C3orf70: variants seen among roughly 807,000 people sequenced by gnomAD.
C3orf70 encodes chromosome 3 open reading frame 70.
C3orf70 carries 15 observed loss-of-function variants against 20.7 expected under a neutral mutation model. The ratio of observed to expected loss-of-function variants is 0.72; its 90% CI spans 0.48 to 1.11. The LOEUF is 1.11. Among genes scored for constraint, C3orf70 ranks in the 50% most tolerant of loss-of-function variants. C3orf70 has a pLI of 0.00. For missense variants in C3orf70, 332 were observed against 317.6 expected, an observed-to-expected ratio of 1.05 and a Z score of -0.34; for synonymous variants, 161 against 125.7, an observed-to-expected ratio of 1.28 and a Z score of -1.88.
intron 1 of C3orf70, among the ~76,000 whole-genome samples, chr3:185,097,718 G>A (rs965882491): frequency 4.6e-5 from 7 of 152,184 alleles, no homozygotes; most frequent in African/African-American, 1.7e-4. Flanking sequence ...GAGACAGGGA[G>A]GAAGCACCCC....
rs1399550875 is a variant in C3orf70 at position 185,153,004 on chromosome 3, G to A, written c.-181C>T. The A allele has an allele frequency of 4.9e-5, 16 of 326,936 alleles. No individual in the cohort carries two copies. The East Asian group carries it at 8.6e-4, about 18-fold the overall frequency. The allele number at this position is 326,936 out of a possible 1,614,324, so 20.3% of individuals were successfully genotyped here. A position where few individuals can be genotyped will look rare whatever the true frequency, so the allele number is the denominator to read the frequency against. ...TCGAGGAGGAGCCGCCCCGGGCGCT[G>A]CGACCGGGTCCGGGCTGGCAGCCTC... On this transcript the variant is annotated 5_prime_UTR_variant, in exon 1 of 2. Transcript: ENST00000335012. This position sits in a 1 kb window ranked among gnomAD's most constrained non-coding sequence, Gnocchi z 6.8.
intron 1 of C3orf70, among the ~76,000 whole-genome samples, chr3:185,119,492 A>T (rs1716247684): frequency 6.6e-6 from 1 of 151,980 alleles, no homozygotes; most frequent in Admixed American, 6.6e-5. Context: ...CTCTACTAAA[A>T]ATACAGCCAT....
intron 1 of C3orf70, among the ~76,000 whole-genome samples, chr3:185,097,265 A>G (rs1259771393): frequency 6.6e-6 from 1 of 152,216 alleles, no homozygotes; most frequent in East Asian, 1.9e-4. Context: ...AAATGCTACT[A>G]ATTCTTTAGA....
At chr3:185,087,632 A>G (rs1405624467) in intron 1 of C3orf70, among the ~76,000 whole-genome samples, 2 of 152,216 alleles carry the variant, frequency 1.3e-5, no homozygotes, top group African/African-American at 4.8e-5. Context: ...ACCGAAAGCA[A>G]GAGTGGTGTT....
chr3:185,135,745 C>T (rs1490511658), intron 1 of C3orf70, among the ~76,000 whole-genome samples: 1 of 152,052 alleles, frequency 6.6e-6, no homozygotes, highest in Non-Finnish European at 1.5e-5. Flanking sequence ...AACAAAATAT[C>T]ACATGTATCC....
chr3:185,110,469 A>G (rs1716048255), intron 1 of C3orf70, among the ~76,000 whole-genome samples: 1 of 152,210 alleles, frequency 6.6e-6, no homozygotes, highest in Non-Finnish European at 1.5e-5. Context: ...GACTCCTGCG[A>G]GAAGTAGCTC....
At chr3:185,150,413 C>A (rs188553259) in intron 1 of C3orf70, among the ~76,000 whole-genome samples, 14 of 152,168 alleles carry the variant, frequency 9.2e-5, no homozygotes, top group African/African-American at 3.1e-4. Flanking sequence ...GATCTAAAAA[C>A]ACACACACAC....
rs540871844 is a variant in C3orf70 at position 185,146,018 on chromosome 3, T to C, written c.196+6610A>G. Among the ~76,000 whole-genome samples the C allele has an allele frequency of 2.1e-3, 323 of 151,936 alleles. 2 individuals carry two copies. Among genetic ancestry groups the C allele is most frequent in the African/African-American group, 7.5e-3 (309 of 41,388 alleles). ...TCTATCTCTGGAAGAACCTATCAGC[T>C]TTCTCTATCTCTGGAAGAACCTATC... On this transcript the variant is annotated intron_variant, in intron 1 of 1. Transcript: ENST00000335012.
chr3:185,130,335 T>G (rs112217527), intron 1 of C3orf70, among the ~76,000 whole-genome samples: 1 of 152,124 alleles, frequency 6.6e-6, no homozygotes, highest in African/African-American at 2.4e-5. Flanking sequence ...GCGCCTGTAG[T>G]CCCAGATACT....
intron 1 of C3orf70, among the ~76,000 whole-genome samples, chr3:185,146,653 G>T (rs991977314): frequency 1.3e-5 from 2 of 152,052 alleles, no homozygotes; most frequent in African/African-American, 2.4e-5. Flanking sequence ...CCTTATTTTT[G>T]TTGTTGTTGC....
chr3:185,133,670 G>T (rs1716566372), intron 1 of C3orf70, among the ~76,000 whole-genome samples: 1 of 152,196 alleles, frequency 6.6e-6, no homozygotes, highest in Admixed American at 6.5e-5. Context: ...GAACCCTGGG[G>T]TAGAGGTTGC....
intron 1 of C3orf70, among the ~76,000 whole-genome samples, chr3:185,092,221 C>T (rs1270569332): frequency 2.6e-5 from 4 of 152,052 alleles, no homozygotes; most frequent in Non-Finnish European, 4.4e-5. Flanking sequence ...AAAGCAGTAA[C>T]TCAGTATCTG....
Position 185,083,503 on chromosome 3 carries a change from G to T in C3orf70, c.257C>A (p.Ala86Asp). ...VEQLPSTEIP[A>D]RPREPTNTIQ... ...GGTGTTTGTGGGTTCCCGAGGCCTG[G>T]CAGGAATCTCAGTGCTTGGAAGCTG... Residue 86 changes from alanine to aspartate, a missense_variant, in exon 2 of 2, where the codon GCC becomes GAC. Transcript: ENST00000335012. The T allele has an allele frequency of 6.2e-7, 1 of 1,613,536 alleles. No individual in the cohort carries two copies.
intron 1 of C3orf70, among the ~76,000 whole-genome samples, chr3:185,091,188 C>T (rs1411178868): frequency 6.6e-6 from 1 of 151,940 alleles, no homozygotes; most frequent in African/African-American, 2.4e-5. Context: ...GGGCGTTCAC[C>T]AGGCAGTGGA....
chr3:185,089,805 A>C (rs1715528606), intron 1 of C3orf70, among the ~76,000 whole-genome samples: 1 of 152,074 alleles, frequency 6.6e-6, no homozygotes, highest in Non-Finnish European at 1.5e-5. Flanking sequence ...TTGAGGGTGG[A>C]GGTACATGAA....
chr3:185,129,664 T>A (rs922444723), intron 1 of C3orf70, among the ~76,000 whole-genome samples: 2 of 152,256 alleles, frequency 1.3e-5, no homozygotes, highest in Non-Finnish European at 2.9e-5. Flanking sequence ...TGAACTAATT[T>A]ACATTCCCAC....
chr3:185,103,469 A>G (rs541555969), intron 1 of C3orf70, among the ~76,000 whole-genome samples: 1 of 151,668 alleles, frequency 6.6e-6, no homozygotes, highest in Admixed American at 6.6e-5. Context: ...AAGGTCTAAT[A>G]TCCATCATCG....
chr3:185,134,886 C>T (rs746653234), intron 1 of C3orf70, among the ~76,000 whole-genome samples: 15 of 152,026 alleles, frequency 9.9e-5, no homozygotes, highest in Non-Finnish European at 1.9e-4. Context: ...CAAAAACTCC[C>T]ACTCCCACCC....
chr3:185,121,431 G>C (rs1716295002), intron 1 of C3orf70, among the ~76,000 whole-genome samples: 1 of 152,004 alleles, frequency 6.6e-6, no homozygotes, highest in South Asian at 2.1e-4. Flanking sequence ...GCATAGCCAG[G>C]AAAGGTTTCT....
Sources: gnomAD v4.1 joint callset for allele counts (sites outside exome capture counted in the v4.1 genomes callset) on GRCh38, gnomAD v4.1.1 for gene constraint, Gnocchi (gnomAD v3.1) non-coding constraint, MANE v1.5 for transcripts, NCBI Gene and HGNC (gene_info 2026-07-23, HGNC 2026-07-21) for gene names.